Variants in GOLPH3 observed in about 807,000 individuals in gnomAD.
GOLPH3 encodes coat protein GPP34.
In GOLPH3, 14 loss-of-function variants were observed where a neutral mutation model predicts 28.5. The ratio of observed to expected loss-of-function variants is 0.49; its 90% CI spans 0.32 to 0.77. The LOEUF (loss-of-function observed/expected upper bound fraction) is 0.77. Ranked by LOEUF, GOLPH3 falls within the 30% of genes least tolerant of loss-of-function variation. The pLI is 0.03. For synonymous variants in GOLPH3, 158 were observed against 159.2 expected (o/e 0.99, Z 0.06); for missense variants, 350 against 393.7 (o/e 0.89, Z 0.94).
At chr5:32,139,988 G>GA (rs1746020802) in intron 2 of GOLPH3, among the ~76,000 whole-genome samples, 1 of 152,122 alleles carries the variant, frequency 6.6e-6, no homozygotes, top group Non-Finnish European at 1.5e-5. Flanking sequence ...GAGTAGCCAA[G>GA]AAGTCCGTAT....
chr5:32,137,254 T>C (rs909594758), intron 2 of GOLPH3, among the ~76,000 whole-genome samples: 1 of 151,732 alleles, frequency 6.6e-6, no homozygotes, highest in African/African-American at 2.4e-5. Context: ...CCACTGCACC[T>C]GGCCCTGAAA....
At chr5:32,155,178 T>C (rs1439097236) in intron 1 of GOLPH3, among the ~76,000 whole-genome samples, 1 of 152,006 alleles carries the variant, frequency 6.6e-6, no homozygotes. Context: ...AGTCACTGCA[T>C]TGTTACCTTT....
chr5:32,142,463 G>A lies in GOLPH3; in HGVS notation c.357+1286C>T, dbSNP rs537088002. Among the ~76,000 whole-genome samples, 895 of 150,286 alleles carry A rather than the reference G, an allele frequency of 6.0e-3. 11 individuals carry two copies. Among genetic ancestry groups the A allele is most frequent in the African/African-American group, 0.021 (860 of 40,774 alleles). ...CTCCGCCCGGCAGCCACCTCGTCCG[G>A]GAGGGAGGTGGGGGGGTCAGCCCCC... On this transcript the variant is annotated intron_variant, in intron 2 of 3. Coordinates refer to ENST00000265070, the MANE Select transcript of GOLPH3 (RefSeq NM_022130.4).
chr5:32,129,075 G>A (rs187468066), intron 3 of GOLPH3, among the ~76,000 whole-genome samples: 18 of 152,142 alleles, frequency 1.2e-4, no homozygotes, highest in African/African-American at 2.9e-4. Flanking sequence ...CCAGCTACTC[G>A]GGAGGCTGAG....
chr5:32,149,934 C>A (rs889937102), intron 1 of GOLPH3, among the ~76,000 whole-genome samples: 7 of 151,670 alleles, frequency 4.6e-5, no homozygotes, highest in African/African-American at 9.7e-5. Flanking sequence ...GAGGCAGAGG[C>A]TGCAGTGAGC....
At position 32,143,759 on chromosome 5, in the gene GOLPH3, AAT is replaced by A; in HGVS notation, c.345_346del (p.Leu116AsnfsTer7). The A allele has an allele frequency of 6.2e-7, 1 of 1,608,360 alleles. No homozygotes were observed. The highest frequency in any genetic ancestry group is 8.5e-7 in the Non-Finnish European group (1 of 1,178,266). ...CAGCACTCCTCTTACCTTTCTTGTT[AAT>A]AGACTTTTACGTCTCATTCCACAAG... On this transcript the variant is annotated frameshift_variant, in exon 2 of 4. Coordinates refer to ENST00000265070, the MANE Select transcript of GOLPH3 (RefSeq NM_022130.4). LOFTEE classifies it high-confidence loss of function.
chr5:32,133,044 C>T (rs1232699754), intron 3 of GOLPH3, among the ~76,000 whole-genome samples: 1 of 152,234 alleles, frequency 6.6e-6, no homozygotes, highest in Non-Finnish European at 1.5e-5. Context: ...CTAAAACTCA[C>T]AGGACATTGT....
intron 1 of GOLPH3, among the ~76,000 whole-genome samples, chr5:32,167,907 T>A (rs1249158532): frequency 6.6e-6 from 1 of 152,032 alleles, no homozygotes; most frequent in Non-Finnish European, 1.5e-5. Context: ...TGAGCCATGA[T>A]CACACCACCA....
At chr5:32,145,631 T>C (rs1381289417) in intron 1 of GOLPH3, among the ~76,000 whole-genome samples, 1 of 152,196 alleles carries the variant, frequency 6.6e-6, no homozygotes, top group Non-Finnish European at 1.5e-5. Flanking sequence ...AAACTCCAGC[T>C]GAACAGTACC....
chr5:32,137,429 C>T (rs71629067), intron 2 of GOLPH3, among the ~76,000 whole-genome samples: 2 of 151,660 alleles, frequency 1.3e-5, no homozygotes, highest in Non-Finnish European at 2.9e-5. Flanking sequence ...GAGGCCAAGG[C>T]GGGTGGATCA....
intron 2 of GOLPH3, among the ~76,000 whole-genome samples, chr5:32,142,243 C>T (rs576866292): frequency 1.1e-4 from 17 of 150,730 alleles, no homozygotes; most frequent in Admixed American, 2.6e-4. Context: ...GCGGGGAGCA[C>T]CTCTGCCCTG....
intron 2 of GOLPH3, among the ~76,000 whole-genome samples, chr5:32,137,347 G>T (rs950337741): frequency 3.3e-5 from 5 of 151,810 alleles, no homozygotes; most frequent in Admixed American, 3.3e-4. Context: ...TTTAAATACT[G>T]CAACTTTTTT....
intron 1 of GOLPH3, among the ~76,000 whole-genome samples, chr5:32,160,903 T>TA (rs1746556399): frequency 6.6e-6 from 1 of 151,014 alleles, no homozygotes; most frequent in African/African-American, 2.4e-5. Flanking sequence ...CCGTCGCTAC[T>TA]AAAAATACAA....
chr5:32,159,302 T>C (rs1298183884), intron 1 of GOLPH3, among the ~76,000 whole-genome samples: 1 of 152,254 alleles, frequency 6.6e-6, no homozygotes, highest in East Asian at 1.9e-4. Flanking sequence ...CATTTGTGTT[T>C]CACATATACC....
intron 1 of GOLPH3, among the ~76,000 whole-genome samples, chr5:32,152,918 G>T (rs1746340580): frequency 6.6e-6 from 1 of 152,122 alleles, no homozygotes; most frequent in African/African-American, 2.4e-5. Context: ...GGGAAATTTG[G>T]GGATCTAGAA....
At chr5:32,128,756 G>A (rs2111833739) in intron 3 of GOLPH3, among the ~76,000 whole-genome samples, 1 of 151,208 alleles carries the variant, frequency 6.6e-6, no homozygotes, top group African/African-American at 2.4e-5. Context: ...TTTAAAGAAA[G>A]ACCATAAAAT....
At chr5:32,146,814 G>A (rs1183495726) in intron 1 of GOLPH3, among the ~76,000 whole-genome samples, 2 of 151,982 alleles carry the variant, frequency 1.3e-5, no homozygotes, top group Admixed American at 1.3e-4. Context: ...AAAGCAGAGT[G>A]TCCAATCTTT....
chr5:32,143,703 G>A, intron 2 of GOLPH3, 46 bp downstream of exon 2: 1 of 1,493,826 alleles, frequency 6.7e-7, no homozygotes. Context: ...TACATTTTAA[G>A]CAGTACAACC....
At chr5:32,159,768 TATC>T (rs1005907859) in intron 1 of GOLPH3, among the ~76,000 whole-genome samples, 68 of 152,168 alleles carry the variant, frequency 4.5e-4, no homozygotes, top group African/African-American at 1.5e-3. Flanking sequence ...CCTAGTAAAA[TATC>T]ATCACCTTTT....
Sources: gnomAD v4.1 joint callset for allele counts (sites outside exome capture counted in the v4.1 genomes callset) on GRCh38, gnomAD v4.1.1 for gene constraint, MANE v1.5 for transcripts, NCBI Gene and HGNC (gene_info 2026-07-23, HGNC 2026-07-21) for gene names.